ELF1: variants seen among roughly 807,000 people sequenced by gnomAD.
The protein encoded by ELF1 is ETS-related transcription factor Elf-1.
ELF1 carries 24 observed loss-of-function variants against 59.9 expected under a neutral mutation model. The observed-to-expected ratio is 0.40, with a 90% CI of 0.29 to 0.56. The LOEUF (loss-of-function observed/expected upper bound fraction) is 0.56, where lower values mean the gene tolerates loss of function less well. Ranked by LOEUF, ELF1 falls within the 20% of genes least tolerant of loss-of-function variation. ELF1 has a pLI of 0.44. For synonymous variants in ELF1, 248 were observed against 266.2 expected, an observed-to-expected ratio of 0.93 and a Z score of 0.67; for missense variants, 627 against 742.2, an observed-to-expected ratio of 0.84 and a Z score of 1.80.
At chr13:41,026,145 A>ATGT (rs1491210186) in intron 1 of ELF1, among the ~76,000 whole-genome samples, 2 of 152,158 alleles carry the variant, frequency 1.3e-5, no homozygotes, top group Non-Finnish European at 2.9e-5. Context: ...CTTAATGATA[A>ATGT]CACATAGCAT....
chr13:41,060,963 C>T, exon 1 of ELF1: 1 of 330,656 alleles, frequency 3.0e-6, no homozygotes, highest in Admixed American at 3.8e-5. Flanking sequence ...TGCCCACACG[C>T]TCCCGAGCTA....
intron 1 of ELF1, among the ~76,000 whole-genome samples, chr13:41,058,730 T>C (rs1033222035): frequency 3.3e-5 from 5 of 152,204 alleles, no homozygotes; most frequent in Non-Finnish European, 7.4e-5. Context: ...CCTAGCACTT[T>C]GGGAGGCCGA....
At chr13:40,992,178 A>G (rs1873890298) in intron 1 of ELF1, among the ~76,000 whole-genome samples, 1 of 152,258 alleles carries the variant, frequency 6.6e-6, no homozygotes, top group Admixed American at 6.5e-5. Flanking sequence ...TTTGCAGATG[A>G]GAAAATGAAC....
chr13:41,040,033 T>A (rs566979090), intron 1 of ELF1, among the ~76,000 whole-genome samples: 40 of 152,320 alleles, frequency 2.6e-4, no homozygotes, highest in Non-Finnish European at 4.0e-4. Context: ...AGAGGGTACA[T>A]GGAAAAAAAT....
At chr13:40,979,931 A>G (rs1322864391) in intron 2 of ELF1, among the ~76,000 whole-genome samples, 1 of 152,156 alleles carries the variant, frequency 6.6e-6, no homozygotes, top group East Asian at 1.9e-4. Context: ...ATGGCACGTT[A>G]TTGCTTTTCC....
At chr13:40,951,622 G>A (rs1397524465) in intron 3 of ELF1, 186 bp from the exon 4 acceptor site, 5 of 392,656 alleles carry the variant, frequency 1.3e-5, no homozygotes, top group South Asian at 6.2e-5. Flanking sequence ...CTGTAATCCC[G>A]CACTTTGGGA....
chr13:40,946,070 C>T (rs993314198), intron 5 of ELF1, among the ~76,000 whole-genome samples: 1 of 152,104 alleles, frequency 6.6e-6, no homozygotes, highest in Non-Finnish European at 1.5e-5. Context: ...AATTTCCGAC[C>T]TCAGGATGTC....
intron 3 of ELF1, among the ~76,000 whole-genome samples, chr13:40,953,169 T>C (rs1031689896): frequency 2.0e-5 from 3 of 151,976 alleles, no homozygotes; most frequent in African/African-American, 4.8e-5. Flanking sequence ...AGAGACGGGA[T>C]TTCTCCATGT....
At chr13:41,034,715 A>G (rs1876302114) in intron 1 of ELF1, among the ~76,000 whole-genome samples, 1 of 151,276 alleles carries the variant, frequency 6.6e-6, no homozygotes, top group Non-Finnish European at 1.5e-5. Context: ...TTACAATTCT[A>G]TCATTTGATT....
intron 1 of ELF1, among the ~76,000 whole-genome samples, chr13:41,059,647 C>T (rs1281742740): frequency 1.3e-5 from 2 of 152,168 alleles, no homozygotes; most frequent in East Asian, 3.8e-4. Flanking sequence ...AACATTATAG[C>T]CGACCCTATT....
intron 3 of ELF1, 130 bp downstream of exon 3, chr13:40,958,706 G>T: frequency 8.0e-7 from 1 of 1,254,718 alleles, no homozygotes; most frequent in Non-Finnish European, 1.0e-6. Context: ...CTCCATGTAG[G>T]GCTGTAGTTT....
chr13:40,987,136 C>A (rs1873596711), intron 1 of ELF1, among the ~76,000 whole-genome samples: 1 of 149,826 alleles, frequency 6.7e-6, no homozygotes, highest in Non-Finnish European at 1.5e-5. Flanking sequence ...CGGGCTTTCA[C>A]CGTGTTAGCC....
intron 1 of ELF1, among the ~76,000 whole-genome samples, chr13:40,982,504 C>T (rs12860217): frequency 6.6e-6 from 1 of 150,586 alleles, no homozygotes; most frequent in East Asian, 1.9e-4. Flanking sequence ...AATTATGCCT[C>T]TCTCCCCCAC....
At chr13:40,983,987 C>T (rs1362197645) in intron 1 of ELF1, among the ~76,000 whole-genome samples, 6 of 152,216 alleles carry the variant, frequency 3.9e-5, no homozygotes, top group Admixed American at 3.3e-4. Flanking sequence ...CCTCAAACTA[C>T]AAGGACTGCT....
rs1330443153 is a variant in ELF1 at position 40,933,692 on chromosome 13, AG to A, written c.1592del (p.Thr531MetfsTer5). On this transcript the variant is annotated frameshift_variant, in exon 9 of 9. Transcript: ENST00000239882. LOFTEE classifies it high-confidence loss of function. Reference protein sequence around the residue: ...SVASSPSFSATAPVVTFSPRS... With the variant: ...SVASSPSFSAXAPVVTFSPRS... The stretch of plus-strand genomic sequence containing the variant: ...GAGGAGAAAAGGTCACCACAGGTGC[AG>A]TAGCACTGAAGGATGGAGAGGAAGC... 4.3e-6 allele frequency: 7 copies of A among 1,614,184 alleles called. No homozygotes were observed. Among genetic ancestry groups the A allele is most frequent in the Non-Finnish European group, 5.9e-6 (7 of 1,180,066 alleles).
At chr13:41,044,903 G>A (rs567509561) in intron 1 of ELF1, among the ~76,000 whole-genome samples, 2 of 152,218 alleles carry the variant, frequency 1.3e-5, no homozygotes, top group Admixed American at 6.5e-5. Flanking sequence ...GGTAGAATTC[G>A]GCTGTGACTC....
Position 40,947,308 on chromosome 13 carries a change from C to T in ELF1, c.529+2498G>A, listed in dbSNP as rs781658248. Among the ~76,000 whole-genome samples the T allele has an allele frequency of 1.2e-3, 185 of 152,196 alleles. 1 individual carries two copies. Among genetic ancestry groups the T allele is most frequent in the Non-Finnish European group, 2.1e-3 (146 of 68,010 alleles). ...CATGTAATCCCAGCACTTGGGAGGT[C>T]GAGGCGGTGGACCACTTGAGGTCAG... On this transcript the variant is annotated intron_variant, in intron 5 of 8. Coordinates refer to ENST00000239882, the MANE Select transcript of ELF1 (RefSeq NM_172373.4).
chr13:41,043,865 C>T (rs1876728987), intron 1 of ELF1, among the ~76,000 whole-genome samples: 1 of 152,112 alleles, frequency 6.6e-6, no homozygotes, highest in African/African-American at 2.4e-5. Flanking sequence ...GGTGATGGCA[C>T]TGAATCTATA....
chr13:41,016,832 T>C lies in ELF1; in HGVS notation c.-229+2396A>G, dbSNP rs573238088. ...GGGAGGCTGAGGCAGGAGAATTGCT[T>C]GAACCCGGGAGACGGAAGTTGCAGT... is the stretch of plus-strand genomic sequence containing the variant. On this transcript the variant is annotated intron_variant, in intron 1 of 8. Coordinates refer to ENST00000239882, the MANE Select transcript of ELF1 (RefSeq NM_172373.4). Among the ~76,000 whole-genome samples the C allele has an allele frequency of 2.8e-5, 4 of 145,024 alleles. No homozygotes were observed. In the South Asian group the frequency reaches 8.8e-4, roughly 32 times the overall value.
Sources: gnomAD v4.1 joint callset for allele counts (sites outside exome capture counted in the v4.1 genomes callset) on GRCh38, gnomAD v4.1.1 for gene constraint, MANE v1.5 for transcripts, NCBI Gene and HGNC (gene_info 2026-07-23, HGNC 2026-07-21) for gene names.